Variants in DLG2 observed in about 807,000 individuals in gnomAD.
DLG2 encodes disks large homolog 2.
DLG2 carries 45 observed loss-of-function variants against 132.5 expected under a neutral mutation model. The observed-to-expected ratio is 0.34, with a 90% confidence interval of 0.27 to 0.44. DLG2 has a LOEUF of 0.44. Ranked by LOEUF, DLG2 falls within the 20% of genes least tolerant of loss-of-function variation. DLG2 has a pLI of 1.00. For synonymous variants in DLG2, 424 were observed against 419.6 expected, an observed-to-expected ratio of 1.01 and a Z score of -0.13; for missense variants, 1,045 against 1,196.9, an observed-to-expected ratio of 0.87 and a Z score of 1.87.
intron 3 of DLG2, among the ~76,000 whole-genome samples, chr11:85,331,020 CG>C (rs2081696296): frequency 6.6e-6 from 1 of 151,952 alleles, no homozygotes; most frequent in African/African-American, 2.4e-5. Context: ...ATATGAGGCA[CG>C]AAGCTCATCT....
chr11:85,509,194 T>C (rs770866010), intron 3 of DLG2, among the ~76,000 whole-genome samples: 8 of 152,088 alleles, frequency 5.3e-5, no homozygotes, highest in Non-Finnish European at 1.2e-4. Flanking sequence ...CATGCCTATC[T>C]ACACCTGAGT....
At chr11:84,843,566 C>T (rs1161287255) in intron 6 of DLG2, among the ~76,000 whole-genome samples, 2 of 151,674 alleles carry the variant, frequency 1.3e-5, no homozygotes, top group Non-Finnish European at 2.9e-5. Flanking sequence ...TTCCAGGAAC[C>T]CTCCCAGACA....
At chr11:84,702,314 G>C (rs2059304340) in intron 6 of DLG2, among the ~76,000 whole-genome samples, 2 of 151,606 alleles carry the variant, frequency 1.3e-5, no homozygotes, top group African/African-American at 4.8e-5. Flanking sequence ...TGTAGCTACA[G>C]CTTTACTCTA....
chr11:85,533,364 G>T (rs910431350), intron 3 of DLG2, among the ~76,000 whole-genome samples: 3 of 151,314 alleles, frequency 2.0e-5, no homozygotes, highest in East Asian at 3.9e-4. Flanking sequence ...ACTGGCTAAG[G>T]TGTGCCTTTG....
chr11:84,622,285 T>A (rs1355097506), intron 6 of DLG2, among the ~76,000 whole-genome samples: 1 of 152,190 alleles, frequency 6.6e-6, no homozygotes, highest in African/African-American at 2.4e-5. Flanking sequence ...GATAAATTGG[T>A]ATACTTCCAG....
intron 14 of DLG2, among the ~76,000 whole-genome samples, chr11:83,955,270 G>A (rs2086538078): frequency 1.3e-5 from 2 of 152,128 alleles, no homozygotes; most frequent in Admixed American, 1.3e-4. Flanking sequence ...ACACAGCTAG[G>A]AAATGGTGTG....
chr11:83,811,839 T>G (rs554642603), intron 17 of DLG2, among the ~76,000 whole-genome samples: 102 of 152,192 alleles, frequency 6.7e-4, no homozygotes, highest in African/African-American at 2.4e-3. Context: ...AGCAAAAGAT[T>G]AGAGGAAACT....
At chr11:85,444,580 G>A (rs1238915008) in intron 3 of DLG2, among the ~76,000 whole-genome samples, 1 of 152,224 alleles carries the variant, frequency 6.6e-6, no homozygotes, top group South Asian at 2.1e-4. Flanking sequence ...ATTGTGGCCA[G>A]TGGAATATGG....
intron 11 of DLG2, among the ~76,000 whole-genome samples, chr11:84,046,809 T>C (rs1209003094): frequency 6.6e-6 from 1 of 151,594 alleles, no homozygotes; most frequent in African/African-American, 2.4e-5. Context: ...GATATTAAAA[T>C]AGATTTCATT....
chr11:83,993,256 A>T (rs1336558667), intron 11 of DLG2, among the ~76,000 whole-genome samples: 1 of 152,170 alleles, frequency 6.6e-6, no homozygotes, highest in African/African-American at 2.4e-5. Flanking sequence ...TGCAGAAATA[A>T]TTAATGACTA....
At chr11:85,509,893 T>A (rs1218695446) in intron 3 of DLG2, 1 of 151,960 alleles carries the variant, frequency 6.6e-6, no homozygotes, top group Non-Finnish European at 1.5e-5. Flanking sequence ...AATGCTTCAT[T>A]GAAGAAATGA....
At chr11:85,234,917 C>G (rs918135796) in intron 4 of DLG2, among the ~76,000 whole-genome samples, 2 of 151,998 alleles carry the variant, frequency 1.3e-5, no homozygotes, top group African/African-American at 4.8e-5. Flanking sequence ...ACAAATTAAC[C>G]TTTCCAATGT....
At chr11:83,731,570 C>T (rs1192792108) in intron 18 of DLG2, among the ~76,000 whole-genome samples, 1 of 152,158 alleles carries the variant, frequency 6.6e-6, no homozygotes, top group African/African-American at 2.4e-5. Flanking sequence ...CATGTCTTTG[C>T]TATTGGAAAT....
intron 3 of DLG2, among the ~76,000 whole-genome samples, chr11:85,537,481 G>A (rs1173784228): frequency 1.4e-4 from 21 of 152,158 alleles, no homozygotes; most frequent in Admixed American, 1.4e-3. Context: ...CAACCCACCA[G>A]GAGGGATGAA....
intron 7 of DLG2, among the ~76,000 whole-genome samples, chr11:84,293,580 A>G (rs1055748907): frequency 2.6e-5 from 4 of 152,190 alleles, no homozygotes; most frequent in Non-Finnish European, 4.4e-5. Context: ...AGGCTGAGGT[A>G]GGAGAATTGC....
chr11:85,230,095 T>C (rs1455247448), intron 4 of DLG2, among the ~76,000 whole-genome samples: 2 of 152,060 alleles, frequency 1.3e-5, no homozygotes, highest in Non-Finnish European at 2.9e-5. Context: ...AAATTGCACA[T>C]TCTGCACATG....
Position 85,609,969 on chromosome 11 carries a change from G to A in DLG2, c.-92-11181C>T, listed in dbSNP as rs2728459. On this transcript the variant is annotated intron_variant, in intron 2 of 27. Transcript: ENST00000376104. ...CTGAAAGTCCCACACCCTTATTAGG[G>A]AGGGATATATTAGCCAAAGCTGGAG... 1.5e-4 allele frequency among the ~76,000 whole-genome samples: 23 copies of A among 152,252 alleles called. No homozygotes were observed. In the South Asian group the frequency reaches 2.3e-3, roughly 15 times the overall value.
chr11:83,893,029 T>C lies in DLG2; in HGVS notation c.1497-18541A>G, dbSNP rs543123012. Among the ~76,000 whole-genome samples the C allele has an allele frequency of 7.9e-5, 12 of 152,288 alleles. No homozygotes were observed. The South Asian group carries it at 2.5e-3, about 32-fold the overall frequency. On this transcript the variant is annotated intron_variant, in intron 15 of 27. Coordinates refer to ENST00000376104, the MANE Select transcript of DLG2 (RefSeq NM_001142699.3). The stretch of plus-strand genomic sequence containing the variant: ...TAGAGGTACCGCTCACTGAGTTCAG[T>C]TGAAAAATCTAGGCATTTTCAATGA...
chr11:83,652,288 C>T (rs997463113), intron 18 of DLG2, among the ~76,000 whole-genome samples: 1 of 151,964 alleles, frequency 6.6e-6, no homozygotes, highest in Non-Finnish European at 1.5e-5. Context: ...GGGAGAGGAA[C>T]AACCTTTGAA....
Sources: gnomAD v4.1 joint callset for allele counts (sites outside exome capture counted in the v4.1 genomes callset) on GRCh38, gnomAD v4.1.1 for gene constraint, MANE v1.5 for transcripts, NCBI Gene and HGNC (gene_info 2026-07-23, HGNC 2026-07-21) for gene names.